Variants in EFCAB13 observed in about 807,000 individuals in gnomAD.
The protein encoded by EFCAB13 is EF-hand calcium-binding domain-containing protein 13.
EFCAB13 carries 91 observed loss-of-function variants against 110.2 expected under a neutral mutation model. The observed-to-expected ratio is 0.83, with a 90% CI of 0.70 to 0.98. The LOEUF is 0.98. Among genes scored for constraint, EFCAB13 ranks in the 50% least tolerant of loss-of-function variants. EFCAB13 has a pLI of 0.00. For synonymous variants in EFCAB13, 323 were observed against 369.9 expected (o/e 0.87, Z 1.45); for missense variants, 968 against 1,119.4 (o/e 0.86, Z 1.93).
intron 4 of EFCAB13, among the ~76,000 whole-genome samples, chr17:47,330,597 C>T (rs999136076): frequency 5.3e-5 from 8 of 152,070 alleles, no homozygotes; most frequent in Non-Finnish European, 7.4e-5. Flanking sequence ...TAATGGCCTC[C>T]AGTTTCATCC....
At chr17:47,360,343 T>C (rs1325540624) in intron 9 of EFCAB13, among the ~76,000 whole-genome samples, 1 of 152,138 alleles carries the variant, frequency 6.6e-6, no homozygotes, top group Non-Finnish European at 1.5e-5. Context: ...TGGTATCTCA[T>C]TGTGGTTTTG....
In EFCAB13 at chr17:47,398,273, C is replaced by T. The variant is rs867115945; in HGVS notation, c.1945+2296C>T. Among the ~76,000 whole-genome samples the T allele has an allele frequency of 9.5e-3, 914 of 96,544 alleles. 20 individuals are homozygous for T. Among genetic ancestry groups the T allele is most frequent in the East Asian group, 0.082 (155 of 1,896 alleles). The allele number at this position is 96,544 out of a possible 152,430, so 63.3% of individuals were successfully genotyped here. A position where few individuals can be genotyped will look rare whatever the true frequency, so the allele number is the denominator to read the frequency against. On this transcript the variant is annotated intron_variant, in intron 17 of 24. Transcript: ENST00000331493. ...GCCCCCCGCCCGGCCAGCCACCCCG[C>T]CCGGGAGGTGAGGGGCGCCTCTGCC...
chr17:47,330,103 G>A (rs934237764), intron 4 of EFCAB13, among the ~76,000 whole-genome samples: 26 of 151,766 alleles, frequency 1.7e-4, no homozygotes, highest in African/African-American at 5.8e-4. Context: ...GATGCCGCCA[G>A]TTGTCTTAAG....
chr17:47,344,184 T>C lies in EFCAB13; in HGVS notation c.326T>C (p.Leu109Pro), dbSNP rs1230322457. 3 of 1,612,912 alleles carry C rather than the reference T, an allele frequency of 1.9e-6. No homozygotes were observed. The highest frequency in any genetic ancestry group is 2.5e-6 in the Non-Finnish European group (3 of 1,179,248). Residue 109 changes from leucine to proline, a missense_variant, in exon 7 of 25, where the codon CTG becomes CCG. Physicochemically the swap from Leu to Pro is moderately conservative, Grantham distance 98. Transcript: ENST00000331493. ...TAGATTATCCCTCCTTTTCTGAAGC[T>C]GTCAAAGGAGAAGGTGACAAGGAAA... ...RTEIIPPFLK[L>P]SKEKVTRKEN...
chr17:47,348,489 T>TA (rs1361884923), intron 9 of EFCAB13, among the ~76,000 whole-genome samples: 1 of 152,170 alleles, frequency 6.6e-6, no homozygotes, highest in Non-Finnish European at 1.5e-5. Flanking sequence ...AAAACTTTAG[T>TA]AAACAGTTTT....
chr17:47,432,400 A>AAAT (rs1905134603), intron 24 of EFCAB13, among the ~76,000 whole-genome samples: 1 of 18,672 alleles, frequency 5.4e-5, no homozygotes, highest in Non-Finnish European at 9.4e-5. Flanking sequence ...TCCATCTCAA[A>AAAT]AATAAATAAA....
intron 10 of EFCAB13, among the ~76,000 whole-genome samples, chr17:47,363,865 A>G (rs1311108328): frequency 2.6e-5 from 4 of 152,148 alleles, no homozygotes; most frequent in African/African-American, 9.7e-5. Context: ...TCTCTTAGGA[A>G]GTCAGGTATG....
Position 47,344,330 on chromosome 17 carries a change from G to A in EFCAB13, c.434+38G>A, listed in dbSNP as rs570321002. On this transcript the variant is annotated intron_variant, in intron 7 of 24. Coordinates refer to ENST00000331493, the MANE Select transcript of EFCAB13 (RefSeq NM_152347.5). ...TTGTACTCTATTTTTTAAATGTTGG[G>A]TTCAGACTTGGGTGTTTCTCTCCAG... 32 of 1,595,140 alleles carry A rather than the reference G, an allele frequency of 2.0e-5. 1 individual carries two copies. The South Asian group carries it at 3.2e-4, about 16-fold the overall frequency.
rs533409838 is a variant in EFCAB13, at chr17:47,377,002, G to A, written c.1373-764G>A. Reference sequence around the variant, plus strand: ...AGTGCATCAGTAAGAAGCACATGACGTCTATGTGTATTTGCTTCTAAGATT... The same window carrying A: ...AGTGCATCAGTAAGAAGCACATGACATCTATGTGTATTTGCTTCTAAGATT... On this transcript the variant is annotated intron_variant, in intron 12 of 24. Transcript: ENST00000331493. Among the ~76,000 whole-genome samples, 286 of 152,232 alleles carry A rather than the reference G, an allele frequency of 1.9e-3. 1 individual carries two copies. The highest frequency in any genetic ancestry group is 3.5e-3 in the Non-Finnish European group (238 of 68,030).
chr17:47,424,165 A>C (rs1290465190), intron 23 of EFCAB13, among the ~76,000 whole-genome samples: 1 of 152,138 alleles, frequency 6.6e-6, no homozygotes, highest in Non-Finnish European at 1.5e-5. Context: ...GCCGCCGCCT[A>C]GTCCACCGGA....
intron 16 of EFCAB13, 118 bp downstream of exon 16, chr17:47,394,217 C>A: frequency 3.6e-6 from 2 of 560,386 alleles, no homozygotes; most frequent in Non-Finnish European, 6.0e-6. Context: ...GGTCATCCGA[C>A]AAATAAATGC....
intron 8 of EFCAB13, among the ~76,000 whole-genome samples, chr17:47,345,709 C>T (rs945052624): frequency 6.6e-6 from 1 of 152,188 alleles, no homozygotes; most frequent in African/African-American, 2.4e-5. Context: ...ACGTCAACGT[C>T]TTATTCTTCA....
At chr17:47,348,429 G>T (rs1898502257) in intron 9 of EFCAB13, among the ~76,000 whole-genome samples, 1 of 151,986 alleles carries the variant, frequency 6.6e-6, no homozygotes, top group Admixed American at 6.5e-5. Context: ...TAGTATTATT[G>T]TTATGGATAG....
At chr17:47,364,517 T>C (rs1385572199) in intron 10 of EFCAB13, among the ~76,000 whole-genome samples, 1 of 152,180 alleles carries the variant, frequency 6.6e-6, no homozygotes, top group Non-Finnish European at 1.5e-5. Context: ...TTCACCATGT[T>C]GGCCAGGATG....
At chr17:47,335,169 C>A (rs1327931034) in intron 4 of EFCAB13, 27 bp from the exon 5 acceptor site, 7 of 1,564,174 alleles carry the variant, frequency 4.5e-6, no homozygotes, top group Admixed American at 2.0e-5. Context: ...AGAGGACATG[C>A]TTGATTGTGG....
At chr17:47,359,791 A>G (rs1351095035) in intron 9 of EFCAB13, among the ~76,000 whole-genome samples, 1 of 97,620 alleles carries the variant, frequency 1.0e-5, no homozygotes, top group Non-Finnish European at 1.9e-5. Flanking sequence ...CCACCCCACA[A>G]CAGTCCCCAG....
Position 47,403,985 on chromosome 17 carries a change from G to C in EFCAB13, c.2125G>C (p.Glu709Gln), listed in dbSNP as rs2065791897. The C allele has an allele frequency of 6.2e-7, 1 of 1,604,288 alleles. No homozygotes were observed. The highest frequency in any genetic ancestry group is 8.5e-7 in the Non-Finnish European group (1 of 1,176,174). The change falls in exon 19 of 25, where the codon GAG (glutamate) becomes CAG (glutamine). Residue 709 changes from glutamate (E) to glutamine (Q), a missense_variant. Glu to Gln is a conservative substitution (Grantham distance 29). Coordinates refer to ENST00000331493, the MANE Select transcript of EFCAB13 (RefSeq NM_152347.5). ...RNVGIKSPKE[E>Q]VEKILQSDFV... ...TGTTGGGATTAAGTCACCTAAAGAA[G>C]AGGTAGAGAAAATTCTTCAATCAGA... is the stretch of plus-strand genomic sequence containing the variant.
intron 4 of EFCAB13, among the ~76,000 whole-genome samples, chr17:47,332,159 G>T (rs2065323070): frequency 6.6e-6 from 1 of 152,070 alleles, no homozygotes; most frequent in Admixed American, 6.6e-5. Context: ...ATTCCAAAGT[G>T]GTTGTACCAT....
intron 22 of EFCAB13, among the ~76,000 whole-genome samples, chr17:47,414,494 C>T (rs1438188743): frequency 7.1e-6 from 1 of 141,574 alleles, no homozygotes; most frequent in African/African-American, 2.7e-5. Context: ...GCCTGGGCAA[C>T]AGAGCGAGAC....
Sources: gnomAD v4.1 joint callset for allele counts (sites outside exome capture counted in the v4.1 genomes callset) on GRCh38, gnomAD v4.1.1 for gene constraint, MANE v1.5 for transcripts, NCBI Gene and HGNC (gene_info 2026-07-23, HGNC 2026-07-21) for gene names.